The following CALN1 variants were observed in gnomAD, a reference collection of about 807,000 sequenced individuals.
CALN1 encodes the protein calneuron 1.
Under a neutral mutation model 30.6 loss-of-function variants are expected in CALN1, and 17 were observed. The observed-to-expected ratio is 0.56, with a 90% CI of 0.38 to 0.83. CALN1 has a LOEUF of 0.83. CALN1 is among the 40% of genes least tolerant of loss of function. The pLI is 0.00. For missense variants in CALN1, 291 were observed against 354.9 expected (o/e 0.82, Z 1.45); for synonymous variants, 156 against 131.4 (o/e 1.19, Z -1.28).
At chr7:72,285,707 G>A (rs1308819434) in intron 2 of CALN1, among the ~76,000 whole-genome samples, 1 of 152,164 alleles carries the variant, frequency 6.6e-6, no homozygotes, top group East Asian at 1.9e-4. Context: ...AAAAACATTT[G>A]GAGAAATGCA....
intron 3 of CALN1, among the ~76,000 whole-genome samples, chr7:72,111,030 C>T (rs150340129): frequency 3.3e-5 from 5 of 152,232 alleles, no homozygotes; most frequent in African/African-American, 9.6e-5. Flanking sequence ...TGCTTTTCAC[C>T]GAAACGTACT....
At chr7:72,083,468 T>C (rs541453747) in intron 4 of CALN1, among the ~76,000 whole-genome samples, 1 of 152,176 alleles carries the variant, frequency 6.6e-6, no homozygotes, top group South Asian at 2.1e-4. Flanking sequence ...CCTGTAATCC[T>C]AGTGCTTTGT....
chr7:72,058,594 C>T (rs1186140937), intron 4 of CALN1, among the ~76,000 whole-genome samples: 1 of 152,086 alleles, frequency 6.6e-6, no homozygotes, highest in South Asian at 2.1e-4. Context: ...GCTGGGATTA[C>T]AGGCACAAGC....
At chr7:71,919,558 T>C (rs1424661796) in intron 5 of CALN1, among the ~76,000 whole-genome samples, 1 of 152,184 alleles carries the variant, frequency 6.6e-6, no homozygotes, top group African/African-American at 2.4e-5. Context: ...ATTACAATTT[T>C]AAGTGATAGT....
intron 5 of CALN1, among the ~76,000 whole-genome samples, chr7:72,005,851 G>A (rs1255562528): frequency 6.6e-6 from 1 of 152,146 alleles, no homozygotes; most frequent in Admixed American, 6.6e-5. Context: ...CAGGGGTGAT[G>A]GAATTGTTCA....
At chr7:72,174,299 A>G (rs189688301) in intron 3 of CALN1, among the ~76,000 whole-genome samples, 80 of 152,338 alleles carry the variant, frequency 5.3e-4, no homozygotes, top group Admixed American at 3.0e-3. Context: ...GCAAAAGAGT[A>G]CAACTACTTT....
chr7:71,788,611 C>T (rs1793124817), intron 6 of CALN1, among the ~76,000 whole-genome samples: 1 of 151,218 alleles, frequency 6.6e-6, no homozygotes, highest in Non-Finnish European at 1.5e-5. Context: ...CCTCCCACTT[C>T]AGCCTCCTGA....
At chr7:71,798,563 C>T (rs556811319) in intron 6 of CALN1, among the ~76,000 whole-genome samples, 1 of 151,860 alleles carries the variant, frequency 6.6e-6, no homozygotes, top group Non-Finnish European at 1.5e-5. Flanking sequence ...ACCTTTGCCT[C>T]CCAAAGTGTT....
intron 3 of CALN1, among the ~76,000 whole-genome samples, chr7:72,233,213 G>A (rs1420051728): frequency 1.3e-5 from 2 of 151,238 alleles, no homozygotes; most frequent in Non-Finnish European, 1.5e-5. Flanking sequence ...AAAAAAGAAG[G>A]CACTGTGGAG....
chr7:72,134,028 G>A (rs1809339886), intron 3 of CALN1, among the ~76,000 whole-genome samples: 1 of 152,172 alleles, frequency 6.6e-6, no homozygotes, highest in South Asian at 2.1e-4. Flanking sequence ...AAGGCCTTTG[G>A]GGAAGTGGTT....
At chr7:72,365,927 G>T (rs1043480608) in intron 2 of CALN1, among the ~76,000 whole-genome samples, 3 of 152,082 alleles carry the variant, frequency 2.0e-5, no homozygotes, top group Non-Finnish European at 4.4e-5. Flanking sequence ...AATTGGACAA[G>T]TATCAAAGTT....
chr7:72,419,641 G>C (rs1450165225), intron 1 of CALN1, among the ~76,000 whole-genome samples: 1 of 152,034 alleles, frequency 6.6e-6, no homozygotes, highest in Non-Finnish European at 1.5e-5. Context: ...GGAAACAGCT[G>C]GCCCAATTTT....
intron 3 of CALN1, among the ~76,000 whole-genome samples, chr7:72,120,194 A>C (rs758947576): frequency 7.2e-5 from 11 of 152,184 alleles, no homozygotes; most frequent in Non-Finnish European, 1.5e-4. Flanking sequence ...ATAGAAAAAA[A>C]AATTATCTAT....
intron 1 of CALN1, among the ~76,000 whole-genome samples, chr7:72,436,141 A>G (rs1808151251): frequency 6.6e-6 from 1 of 152,228 alleles, no homozygotes; most frequent in Non-Finnish European, 1.5e-5. Flanking sequence ...GATTAGTCCC[A>G]GGGCTCAGCC....
At chr7:71,902,879 G>T (rs760659239) in intron 5 of CALN1, among the ~76,000 whole-genome samples, 6 of 152,044 alleles carry the variant, frequency 3.9e-5, no homozygotes, top group Middle Eastern at 3.4e-3. Context: ...AAATAACTCA[G>T]AAAGTCAAAT....
At chr7:72,188,292 T>G (rs1364627022) in intron 3 of CALN1, among the ~76,000 whole-genome samples, 1 of 152,112 alleles carries the variant, frequency 6.6e-6, no homozygotes, top group Admixed American at 6.6e-5. Context: ...TACACACATA[T>G]GTACATGTAT....
chr7:72,181,944 G>A (rs1235940328), intron 3 of CALN1, among the ~76,000 whole-genome samples: 1 of 152,174 alleles, frequency 6.6e-6, no homozygotes. Flanking sequence ...ACAAAGACAG[G>A]TATAGCATGT....
chr7:72,348,551 T>C (rs1246238175), intron 2 of CALN1, among the ~76,000 whole-genome samples: 2 of 152,236 alleles, frequency 1.3e-5, no homozygotes, highest in African/African-American at 4.8e-5. Flanking sequence ...ACAAATCCCA[T>C]GCCGCTAGGC....
At chr7:72,219,698 A>G (rs1358068408) in intron 3 of CALN1, among the ~76,000 whole-genome samples, 53 of 151,660 alleles carry the variant, frequency 3.5e-4, no homozygotes, top group African/African-American at 1.2e-3. Context: ...CACACATGCA[A>G]TGCACACACA....
Sources: allele counts gnomAD v4.1 joint callset (sites outside exome capture counted in the v4.1 genomes callset), GRCh38; gene constraint gnomAD v4.1.1; transcripts MANE v1.5; gene names NCBI Gene and HGNC (gene_info 2026-07-23, HGNC 2026-07-21).